Variants in TTC6 observed in about 807,000 individuals in gnomAD.
TTC6 encodes the protein tetratricopeptide repeat protein 6.
In TTC6, 172 loss-of-function variants were observed where a neutral mutation model predicts 210.4. The ratio of observed to expected loss-of-function variants is 0.82; its 90% CI spans 0.72 to 0.93. TTC6 has a LOEUF of 0.93. TTC6 is among the 40% of genes least tolerant of loss of function. The pLI is 0.00. For missense variants in TTC6, 2,414 were observed against 2,318.1 expected (o/e 1.04, Z -0.85); for synonymous variants, 804 against 819.6 (o/e 0.98, Z 0.32).
intron 7 of TTC6, among the ~76,000 whole-genome samples, chr14:37,732,705 G>A (rs1390769904): frequency 6.6e-6 from 1 of 151,380 alleles, no homozygotes; most frequent in Non-Finnish European, 1.5e-5. Context: ...TGCAAGCTCC[G>A]CCTCCTGGGT....
intron 29 of TTC6, among the ~76,000 whole-genome samples, chr14:37,833,420 A>C (rs529648913): frequency 6.6e-6 from 1 of 152,090 alleles, no homozygotes; most frequent in Non-Finnish European, 1.5e-5. Flanking sequence ...TGTTTGATAT[A>C]ACTCCTTGTT....
In TTC6 at chr14:37,702,539, C is replaced by T. The variant is rs1029873736; in HGVS notation, c.1571+1013C>T. ...TGAGAATGCTTGCTCTACAGTCTCT[C>T]GCCTTTCAGAAGCCATGGTAAAAAT... is the stretch of plus-strand genomic sequence containing the variant. On this transcript the variant is annotated intron_variant, in intron 5 of 30. Coordinates refer to ENST00000553443, the Ensembl canonical transcript of TTC6. Among the ~76,000 whole-genome samples the T allele has an allele frequency of 4.6e-5, 7 of 152,114 alleles. No homozygotes were observed. In the South Asian group the frequency reaches 6.2e-4, roughly 13 times the overall value.
intron 17 of TTC6, among the ~76,000 whole-genome samples, chr14:37,792,820 A>G (rs1850410083): frequency 7.6e-6 from 1 of 132,102 alleles, no homozygotes; most frequent in Non-Finnish European, 1.7e-5. Context: ...GTGTGTGTGT[A>G]CAGGTGAGTA....
chr14:37,753,117 A>G (rs2095957308), exon 14 of TTC6: 2 of 1,534,436 alleles, frequency 1.3e-6, no homozygotes, highest in South Asian at 2.4e-5. Context: ...TTATGATCCC[A>G]AAAGAACAGA....
At chr14:37,831,458 A>G (rs1289522361) in intron 29 of TTC6, among the ~76,000 whole-genome samples, 1 of 152,132 alleles carries the variant, frequency 6.6e-6, no homozygotes, top group South Asian at 2.1e-4. Context: ...GAATTGCTGG[A>G]TCATATGATA....
chr14:37,738,839 G>T, exon 10 of TTC6: 1 of 1,532,108 alleles, frequency 6.5e-7, no homozygotes, highest in Non-Finnish European at 8.7e-7. Flanking sequence ...AATCAAGAAT[G>T]ATATGCAAAG....
chr14:37,736,127 T>C (rs781733168), intron 8 of TTC6, 117 bp downstream of exon 10: 2 of 606,760 alleles, frequency 3.3e-6, no homozygotes, highest in Non-Finnish European at 2.8e-6. Context: ...GGCTCATGTC[T>C]GTAATCCCGG....
intron 1 of TTC6, among the ~76,000 whole-genome samples, chr14:37,602,326 A>T (rs1279752182): frequency 6.6e-6 from 1 of 152,240 alleles, no homozygotes; most frequent in East Asian, 1.9e-4. Context: ...TCTACATAAG[A>T]TACAAAGTAT....
intron 7 of TTC6, among the ~76,000 whole-genome samples, chr14:37,734,150 A>G (rs1266494215): frequency 6.6e-6 from 1 of 152,144 alleles, no homozygotes; most frequent in African/African-American, 2.4e-5. Context: ...GGTCTTTACT[A>G]TTCAGAGACA....
exon 28 of TTC6, chr14:37,826,327 G>A: frequency 6.2e-7 from 1 of 1,606,078 alleles, no homozygotes; most frequent in Non-Finnish European, 8.5e-7. Context: ...TGCAATGCAG[G>A]ATATTAATGC....
intron 5 of TTC6, among the ~76,000 whole-genome samples, chr14:37,702,896 T>C (rs8016680): frequency 0.072 from 11,012 of 152,186 alleles, 482 homozygotes; most frequent in African/African-American, 0.12. Context: ...GTTTGTTTTC[T>C]ATGTAGGCAA....
chr14:37,794,100 A>G (rs1280816422), intron 17 of TTC6, among the ~76,000 whole-genome samples: 1 of 152,166 alleles, frequency 6.6e-6, no homozygotes, highest in African/African-American at 2.4e-5. Flanking sequence ...ATGAGCCTCC[A>G]TTTGTCTTAA....
chr14:37,686,471 C>G lies in TTC6; in HGVS notation c.1257+3507C>G, dbSNP rs532027135. Among the ~76,000 whole-genome samples the G allele has an allele frequency of 5.3e-5, 8 of 152,296 alleles. No individual in the cohort carries two copies. The South Asian group carries it at 1.7e-3, about 32-fold the overall frequency. ...ATGCACAACTAGTACATGGAAGTCT[C>G]GTGGACTGCTACAGGGCTGTGTCCA... On this transcript the variant is annotated intron_variant, in intron 3 of 30. Transcript: ENST00000553443.
chr14:37,606,416 T>C (rs2095625234), intron 1 of TTC6, among the ~76,000 whole-genome samples: 2 of 152,134 alleles, frequency 1.3e-5, no homozygotes, highest in African/African-American at 4.8e-5. Flanking sequence ...TAGGAGTACT[T>C]AGGCTTCCTG....
At chr14:37,826,624 C>G (rs2096172468) in intron 28 of TTC6, among the ~76,000 whole-genome samples, 1 of 151,930 alleles carries the variant, frequency 6.6e-6, no homozygotes, top group Non-Finnish European at 1.5e-5. Flanking sequence ...TTTTGTAATA[C>G]AAAGTGAATG....
chr14:37,623,045 A>G, intron 1 of TTC6, 42 bp downstream of exon 3: 1 of 1,387,100 alleles, frequency 7.2e-7, no homozygotes, highest in South Asian at 1.5e-5. Context: ...CCCAAATGCA[A>G]TTTGGGTTAC....
chr14:37,792,574 T>C (rs1340784745), intron 17 of TTC6, among the ~76,000 whole-genome samples, 160 bp downstream of exon 19: 1 of 152,178 alleles, frequency 6.6e-6, no homozygotes, highest in African/African-American at 2.4e-5. Flanking sequence ...AATTACTCAT[T>C]TATAAAGCCT....
At chr14:37,836,833 C>G (rs1168648117) in intron 29 of TTC6, among the ~76,000 whole-genome samples, 1 of 152,110 alleles carries the variant, frequency 6.6e-6, no homozygotes, top group Non-Finnish European at 1.5e-5. Context: ...CTCATCTGAT[C>G]TAATAAACTC....
At chr14:37,767,165 T>A (rs1336310108) in intron 14 of TTC6, among the ~76,000 whole-genome samples, 2 of 152,204 alleles carry the variant, frequency 1.3e-5, no homozygotes, top group African/African-American at 2.4e-5. Context: ...TTCCATGGTG[T>A]ATATGTGCCA....
Sources: allele counts gnomAD v4.1 joint callset (sites outside exome capture counted in the v4.1 genomes callset), GRCh38; gene constraint gnomAD v4.1.1; transcripts MANE v1.5; gene names NCBI Gene and HGNC (gene_info 2026-07-23, HGNC 2026-07-21).